The following ADAM19 variants were observed in gnomAD, a reference collection of about 807,000 sequenced individuals.
ADAM19 encodes the protein disintegrin and metalloproteinase domain-containing protein 19.
Under a neutral mutation model 114.7 loss-of-function variants are expected in ADAM19, and 65 were observed. That is an observed-to-expected ratio of 0.57 (90% CI 0.46 to 0.70). The LOEUF is 0.70. Ranked by LOEUF, ADAM19 falls within the 30% of genes least tolerant of loss-of-function variation. The pLI is 0.00. For missense variants in ADAM19, 1,063 were observed against 1,204.7 expected, an observed-to-expected ratio of 0.88 and a Z score of 1.74; for synonymous variants, 466 against 460.5, an observed-to-expected ratio of 1.01 and a Z score of -0.15.
chr5:157,501,323 G>C (rs573406873), intron 12 of ADAM19, among the ~76,000 whole-genome samples: 1 of 152,226 alleles, frequency 6.6e-6, no homozygotes, highest in African/African-American at 2.4e-5. Context: ...TCCCACACAA[G>C]CAAGGAGGTT....
chr5:157,557,763 C>A, intron 3 of ADAM19, among the ~76,000 whole-genome samples: 1 of 152,046 alleles, frequency 6.6e-6, no homozygotes, highest in Non-Finnish European at 1.5e-5. Flanking sequence ...CTAATTCTCT[C>A]GGGTCTCTTC....
intron 2 of ADAM19, among the ~76,000 whole-genome samples, chr5:157,564,773 C>T (rs1321357004): frequency 2.0e-5 from 3 of 152,158 alleles, no homozygotes; most frequent in African/African-American, 2.4e-5. Flanking sequence ...ATTCAAGCAC[C>T]GGCTCTGACA....
intron 3 of ADAM19, 95 bp downstream of exon 3, chr5:157,564,278 C>A: frequency 8.6e-7 from 1 of 1,157,680 alleles, no homozygotes; most frequent in Admixed American, 1.7e-5. Flanking sequence ...TGGGGTCACT[C>A]CATTGACTGC....
At chr5:157,507,479 A>C (rs1426124050) in intron 9 of ADAM19, among the ~76,000 whole-genome samples, 1 of 152,224 alleles carries the variant, frequency 6.6e-6, no homozygotes, top group Admixed American at 6.5e-5. Context: ...AAAGGTCAGA[A>C]GGAGAGGTTG....
intron 7 of ADAM19, among the ~76,000 whole-genome samples, chr5:157,516,028 T>C (rs893779950): frequency 5.9e-5 from 9 of 152,186 alleles, no homozygotes; most frequent in African/African-American, 2.2e-4. Flanking sequence ...GCCCCAAGGC[T>C]CTGTCTCTGC....
At chr5:157,531,326 G>A (rs1438815395) in intron 4 of ADAM19, among the ~76,000 whole-genome samples, 1 of 152,168 alleles carries the variant, frequency 6.6e-6, no homozygotes, top group Non-Finnish European at 1.5e-5. Flanking sequence ...ACCTCAGAAT[G>A]TGATTTATTT....
At chr5:157,544,356 C>G (rs1009699551) in intron 3 of ADAM19, among the ~76,000 whole-genome samples, 8 of 152,232 alleles carry the variant, frequency 5.3e-5, no homozygotes, top group African/African-American at 1.2e-4. Context: ...TAAGTCAACA[C>G]TCCCTTTCAC....
chr5:157,492,904 C>T (rs1755222997), intron 16 of ADAM19, 69 bp downstream of exon 16: 1 of 1,548,984 alleles, frequency 6.5e-7, no homozygotes, highest in South Asian at 1.1e-5. Flanking sequence ...GGCATCCTTC[C>T]CTCAGACCTC....
At chr5:157,557,397 C>T (rs143131085) in intron 3 of ADAM19, among the ~76,000 whole-genome samples, 219 of 152,320 alleles carry the variant, frequency 1.4e-3, no homozygotes, top group Admixed American at 0.012. Context: ...AGAATCAACA[C>T]ATCTAGGCTA....
intron 4 of ADAM19, among the ~76,000 whole-genome samples, chr5:157,535,282 C>T (rs532571175): frequency 6.6e-6 from 1 of 152,356 alleles, no homozygotes; most frequent in South Asian, 2.1e-4. Flanking sequence ...CAGACCCATT[C>T]CCCCAACCGC....
Position 157,480,663 on chromosome 5 carries a change from G to C in ADAM19, c.*286C>G. 1 of 1,239,274 alleles carries C rather than the reference G, an allele frequency of 8.1e-7. No individual in the cohort carries two copies. The highest frequency in any genetic ancestry group is 2.1e-5 in the South Asian group (1 of 48,106). 76.8% of individuals were successfully genotyped at this position (1,239,274 alleles called of 1,614,324 possible). A position where few individuals can be genotyped will look rare whatever the true frequency, so the allele number is the denominator to read the frequency against. ...ATCAGCACCTCGGGGCTAGGAGTCT[G>C]GAGGAGAAGCTGCCAGTCACCCTCC... On this transcript the variant is annotated 3_prime_UTR_variant, in exon 23 of 23. Coordinates refer to ENST00000257527, the MANE Select transcript of ADAM19 (RefSeq NM_033274.5).
At chr5:157,543,136 A>G (rs77372450) in intron 3 of ADAM19, among the ~76,000 whole-genome samples, 1 of 152,052 alleles carries the variant, frequency 6.6e-6, no homozygotes, top group African/African-American at 2.4e-5. Flanking sequence ...ATACACACAC[A>G]CCGCCACACA....
chr5:157,486,850 A>G (rs1754951052), intron 21 of ADAM19, among the ~76,000 whole-genome samples: 1 of 152,116 alleles, frequency 6.6e-6, no homozygotes, highest in Non-Finnish European at 1.5e-5. Flanking sequence ...GAATGTGACC[A>G]TATTTAGAGA....
In ADAM19 at chr5:157,502,881, G is replaced by T. The variant is rs1350815673; in HGVS notation, c.1230C>A (p.Thr410=). The part of the protein sequence containing the change: ...GGMCLSNMPD[T]RMLYGGRRCG... ...ACCTCCGGCCTCCATACAACATCCT[G>T]GTGTCTGGCATGTTGGAGAGACACA... The change falls in exon 12 of 23, where the codon ACC becomes ACA. Residue 410 remains threonine (T), a synonymous_variant. Transcript: ENST00000257527. 7 of 1,613,988 alleles carry T rather than the reference G, an allele frequency of 4.3e-6. No homozygotes were observed. The highest frequency in any genetic ancestry group is 3.3e-5 in the Admixed American group (2 of 60,002).
intron 1 of ADAM19, among the ~76,000 whole-genome samples, chr5:157,574,115 G>A (rs1343887466): frequency 6.6e-6 from 1 of 152,214 alleles, no homozygotes; most frequent in East Asian, 1.9e-4. Context: ...TATGGGTATG[G>A]TTCCAATTTT....
At chr5:157,536,512 C>T (rs548334900) in intron 4 of ADAM19, among the ~76,000 whole-genome samples, 1 of 152,200 alleles carries the variant, frequency 6.6e-6, no homozygotes, top group South Asian at 2.1e-4. Flanking sequence ...CCTGTAATCC[C>T]ACCTACTGGG....
intron 9 of ADAM19, among the ~76,000 whole-genome samples, chr5:157,507,959 C>G (rs551168387): frequency 6.6e-6 from 1 of 152,308 alleles, no homozygotes; most frequent in African/African-American, 2.4e-5. Flanking sequence ...ACCATGATAT[C>G]TTTGACAGCA....
chr5:157,553,242 T>G (rs763964019), intron 3 of ADAM19, among the ~76,000 whole-genome samples: 16 of 152,194 alleles, frequency 1.1e-4, no homozygotes, highest in Non-Finnish European at 1.9e-4. Flanking sequence ...CTTTTCTTCA[T>G]GATGTGCTTA....
At position 157,481,914 on chromosome 5, in the gene ADAM19, C is replaced by T. The variant is rs1754765362; in HGVS notation, c.2580G>A (p.Lys860=). ...QDFSRPRPPQ[K]ALPANPVPGR... ...CTGGCACTGGGTTTGCCGGGAGTGC[C>T]TTCTGGGGCGGCCGAGGCCTGGAGA... Residue 860 remains lysine (K), a synonymous_variant, in exon 22 of 23, where the codon AAG becomes AAA. Coordinates refer to ENST00000257527, the MANE Select transcript of ADAM19 (RefSeq NM_033274.5). 1 of 1,606,112 alleles carries T rather than the reference C, an allele frequency of 6.2e-7. No homozygotes were observed. Among genetic ancestry groups the T allele is most frequent in the African/African-American group, 1.3e-5 (1 of 74,814 alleles).
Sources: allele counts gnomAD v4.1 joint callset (sites outside exome capture counted in the v4.1 genomes callset), GRCh38; gene constraint gnomAD v4.1.1; transcripts MANE v1.5; gene names NCBI Gene and HGNC (gene_info 2026-07-23, HGNC 2026-07-21).